The following MYO9A variants were observed in gnomAD, a reference collection of about 807,000 sequenced individuals.
The protein encoded by MYO9A is unconventional myosin-IXa.
Under a neutral mutation model 293.3 loss-of-function variants are expected in MYO9A, and 103 were observed. The observed-to-expected ratio is 0.35, with a 90% CI of 0.30 to 0.41. The LOEUF (loss-of-function observed/expected upper bound fraction) is 0.41. Among genes scored for constraint, MYO9A ranks in the 10% least tolerant of loss-of-function variants. The pLI, the probability that MYO9A is intolerant of heterozygous loss-of-function variation, is 1.00. For missense variants in MYO9A, 2,685 were observed against 3,033.0 expected, an observed-to-expected ratio of 0.89 and a Z score of 2.69; for synonymous variants, 1,001 against 1,035.7, an observed-to-expected ratio of 0.97 and a Z score of 0.64.
chr15:71,829,342 T>TG (rs2054627002), intron 40 of MYO9A, among the ~76,000 whole-genome samples: 2 of 152,110 alleles, frequency 1.3e-5, no homozygotes, highest in Admixed American at 1.3e-4. Flanking sequence ...ACTCAAGACC[T>TG]GGGATCCTGG....
At chr15:72,102,616 C>T (rs1004268545) in intron 1 of MYO9A, among the ~76,000 whole-genome samples, 3 of 151,682 alleles carry the variant, frequency 2.0e-5, no homozygotes, top group African/African-American at 7.3e-5. Flanking sequence ...ATACAATCAA[C>T]CACATCTCAA....
chr15:72,027,377 G>C (rs1055905250), intron 4 of MYO9A, among the ~76,000 whole-genome samples: 57 of 152,064 alleles, frequency 3.7e-4, no homozygotes, highest in African/African-American at 1.4e-3. Flanking sequence ...TATACCTCAA[G>C]TAATACAATG....
At chr15:71,886,060 T>G (rs1208708260) in intron 27 of MYO9A, among the ~76,000 whole-genome samples, 1 of 152,096 alleles carries the variant, frequency 6.6e-6, no homozygotes, top group Non-Finnish European at 1.5e-5. Flanking sequence ...TTTGTCTATC[T>G]TGAAGTGTTC....
chr15:72,109,663 CG>C (rs1442821230), intron 1 of MYO9A, among the ~76,000 whole-genome samples: 1 of 151,900 alleles, frequency 6.6e-6, no homozygotes, highest in Non-Finnish European at 1.5e-5. Context: ...CCAAGGCAGG[CG>C]GATCGCTTGA....
At chr15:71,875,879 A>C in intron 31 of MYO9A, 41 bp from the exon 32 acceptor site, 1 of 1,125,712 alleles carries the variant, frequency 8.9e-7, no homozygotes, top group South Asian at 3.2e-5. Context: ...TGTGATAACA[A>C]AGACTAACAT....
At chr15:72,071,800 A>G (rs757300048) in intron 1 of MYO9A, among the ~76,000 whole-genome samples, 1 of 152,034 alleles carries the variant, frequency 6.6e-6, no homozygotes, top group Non-Finnish European at 1.5e-5. Context: ...TTTAACCCCT[A>G]TGGTAAACAG....
chr15:71,833,545 C>A (rs2054816059), intron 39 of MYO9A, among the ~76,000 whole-genome samples: 1 of 152,006 alleles, frequency 6.6e-6, no homozygotes, highest in African/African-American at 2.4e-5. Context: ...CAAGTATGCA[C>A]ACGCAATCAG....
intron 1 of MYO9A, among the ~76,000 whole-genome samples, chr15:72,069,109 A>C (rs1056602351): frequency 5.3e-5 from 8 of 152,320 alleles, no homozygotes; most frequent in African/African-American, 1.9e-4. Flanking sequence ...ACTGCCTCAT[A>C]GCTGATAAGG....
At chr15:71,900,066 G>GA (rs113825080) in intron 23 of MYO9A, 60 bp from the exon 24 acceptor site, 8 of 1,400,324 alleles carry the variant, frequency 5.7e-6, no homozygotes, top group East Asian at 4.8e-5. Flanking sequence ...ATTTTCACAG[G>GA]AAAAAAAGAG....
At chr15:72,000,703 G>A (rs910894450) in intron 8 of MYO9A, among the ~76,000 whole-genome samples, 9 of 152,014 alleles carry the variant, frequency 5.9e-5, no homozygotes, top group Admixed American at 1.3e-4. Context: ...GCAGTGGTGC[G>A]ATCTCAATTC....
chr15:71,825,115 G>A lies in MYO9A; in HGVS notation c.*1465C>T, dbSNP rs892712797. 127 of 152,248 alleles carry A rather than the reference G, an allele frequency of 8.3e-4. No homozygotes were observed. The highest frequency in any genetic ancestry group is 3.0e-3 in the African/African-American group (125 of 41,544). 9.4% of individuals were successfully genotyped at this position (152,248 alleles called of 1,614,324 possible). On this transcript the variant is annotated 3_prime_UTR_variant, in exon 42 of 42. Coordinates refer to ENST00000356056, the MANE Select transcript of MYO9A (RefSeq NM_006901.4). ...TACTTATCTCAAGAAAGGCTATCATGTTTCATTTTTTATATATTATAAATA... is the reference window on the plus strand; with the variant it reads ...TACTTATCTCAAGAAAGGCTATCATATTTCATTTTTTATATATTATAAATA...
chr15:72,050,645 AAAT>A (rs1236769784), intron 1 of MYO9A, among the ~76,000 whole-genome samples: 13 of 151,082 alleles, frequency 8.6e-5, no homozygotes, highest in South Asian at 6.3e-4. Flanking sequence ...CAAACAAACA[AAAT>A]TTTTTTTTAA....
At chr15:71,967,689 C>T (rs982437864) in intron 13 of MYO9A, among the ~76,000 whole-genome samples, 1 of 152,132 alleles carries the variant, frequency 6.6e-6, no homozygotes, top group Non-Finnish European at 1.5e-5. Context: ...AAATTATGTG[C>T]ATAAACAAGT....
At chr15:72,115,394 C>A (rs1214005118) in intron 1 of MYO9A, among the ~76,000 whole-genome samples, 3 of 152,186 alleles carry the variant, frequency 2.0e-5, no homozygotes, top group Non-Finnish European at 4.4e-5. Context: ...ACCCCTCTAT[C>A]CTTCCTCCTT....
At chr15:71,995,919 G>A (rs1468718175) in intron 9 of MYO9A, among the ~76,000 whole-genome samples, 1 of 152,082 alleles carries the variant, frequency 6.6e-6, no homozygotes, top group African/African-American at 2.4e-5. Context: ...AAAGCTTCAA[G>A]TTCCTAGACC....
At chr15:72,107,422 G>T (rs1054463043) in intron 1 of MYO9A, among the ~76,000 whole-genome samples, 1 of 151,978 alleles carries the variant, frequency 6.6e-6, no homozygotes, top group South Asian at 2.1e-4. Context: ...AGTGGCGCGC[G>T]CCTGTAATCC....
intron 4 of MYO9A, among the ~76,000 whole-genome samples, chr15:72,023,839 C>T (rs1055197407): frequency 6.6e-6 from 1 of 151,938 alleles, no homozygotes; most frequent in Non-Finnish European, 1.5e-5. Flanking sequence ...TTAATCTGCA[C>T]ATCCAAGAAA....
intron 12 of MYO9A, among the ~76,000 whole-genome samples, chr15:71,968,855 T>A (rs2075942024): frequency 6.6e-6 from 1 of 152,052 alleles, no homozygotes; most frequent in South Asian, 2.1e-4. Context: ...AAAGAAAGTT[T>A]CAGAAAATAG....
chr15:71,913,003 C>T (rs2057905883), intron 19 of MYO9A, among the ~76,000 whole-genome samples: 1 of 150,714 alleles, frequency 6.6e-6, no homozygotes. Flanking sequence ...ATTCTTTGAT[C>T]TCCGTAGTTT....
Sources: gnomAD v4.1 joint callset for allele counts (sites outside exome capture counted in the v4.1 genomes callset) on GRCh38, gnomAD v4.1.1 for gene constraint, MANE v1.5 for transcripts, NCBI Gene and HGNC (gene_info 2026-07-23, HGNC 2026-07-21) for gene names.